ARHGEF33: variants seen among roughly 807,000 people sequenced by gnomAD.
The protein encoded by ARHGEF33 is DH and coiled-coil domain-containing protein ENSP00000381780.
In ARHGEF33, 72 loss-of-function variants were observed where a neutral mutation model predicts 101.9. The observed-to-expected ratio is 0.71, with a 90% CI of 0.58 to 0.86. ARHGEF33 has a LOEUF of 0.86. Among genes scored for constraint, ARHGEF33 ranks in the 40% least tolerant of loss-of-function variants. The pLI is 0.00. For missense variants in ARHGEF33, 1,169 were observed against 1,111.3 expected (o/e 1.05, Z -0.74); for synonymous variants, 499 against 442.5 (o/e 1.13, Z -1.60).
At chr2:38,907,952 G>C (rs1666429083) in intron 2 of ARHGEF33, among the ~76,000 whole-genome samples, 1 of 150,632 alleles carries the variant, frequency 6.6e-6, no homozygotes, top group Non-Finnish European at 1.5e-5. Context: ...TTGACCTCCT[G>C]GGCTCAAGTG....
chr2:38,902,177 G>A (rs1666260695), intron 2 of ARHGEF33, among the ~76,000 whole-genome samples: 1 of 151,880 alleles, frequency 6.6e-6, no homozygotes, highest in Admixed American at 6.6e-5. Context: ...ATGGTTCTTG[G>A]TGTTGCTTTC....
Position 38,972,010 on chromosome 2 carries a change from G to A in ARHGEF33, c.2484-1704G>A, listed in dbSNP as rs1454310090. 25 of 710,736 alleles carry A rather than the reference G, an allele frequency of 3.5e-5. No homozygotes were observed. The Admixed American group carries it at 4.9e-4, about 14-fold the overall frequency. The allele number at this position is 710,736 out of a possible 1,614,324, so 44.0% of individuals were successfully genotyped here. A position where few individuals can be genotyped will look rare whatever the true frequency, so the allele number is the denominator to read the frequency against. On this transcript the variant is annotated intron_variant, in intron 17 of 17. Coordinates refer to ENST00000409978, the MANE Select transcript of ARHGEF33 (RefSeq NM_001145451.5). ...GACATGTTGGGTTTTGGATAGACCA[G>A]ATGTAGCTAAGAGGGGAAATACGAG...
At position 38,960,231 on chromosome 2, in the gene ARHGEF33, C is replaced by A. The variant is rs1218234261; in HGVS notation, c.1926C>A (p.Asn642Lys). 6.5e-7 allele frequency: 1 copy of A among 1,547,868 alleles called. No homozygotes were observed. Among genetic ancestry groups the A allele is most frequent in the Non-Finnish European group, 8.7e-7 (1 of 1,145,896 alleles). ...TCCAGGCTCCGGCCCTCTTCGAGAA[C>A]TGCTCGCCTGCCTCCTCCGAGTCCA... Reference protein sequence around the residue: ...EPFQAPALFENCSPASSESSL... With the variant: ...EPFQAPALFEKCSPASSESSL... Residue 642 changes from asparagine (N) to lysine (K), a missense_variant, in exon 16 of 18, where the codon AAC (asparagine) becomes AAA (lysine). Asn to Lys is a moderately conservative substitution (Grantham distance 94). Transcript: ENST00000409978.
chr2:38,967,085 AG>A (rs1441570006), intron 17 of ARHGEF33, among the ~76,000 whole-genome samples: 1 of 152,236 alleles, frequency 6.6e-6, no homozygotes, highest in Non-Finnish European at 1.5e-5. Flanking sequence ...GCCTTTGGAG[AG>A]TTGCCAATAA....
chr2:38,933,673 C>T (rs1328346920), intron 7 of ARHGEF33, among the ~76,000 whole-genome samples: 1 of 152,222 alleles, frequency 6.6e-6, no homozygotes, highest in South Asian at 2.1e-4. Flanking sequence ...CCACGACCGA[C>T]CCATAGTCTT....
intron 3 of ARHGEF33, among the ~76,000 whole-genome samples, chr2:38,920,738 C>T (rs1490784938): frequency 6.6e-6 from 1 of 152,122 alleles, no homozygotes; most frequent in Non-Finnish European, 1.5e-5. Flanking sequence ...CTACCACTTC[C>T]TCTGCGTGTG....
intron 17 of ARHGEF33, among the ~76,000 whole-genome samples, chr2:38,969,964 A>G (rs1365754496): frequency 6.6e-6 from 1 of 152,226 alleles, no homozygotes; most frequent in Non-Finnish European, 1.5e-5. Flanking sequence ...TACATCTTGC[A>G]ACACTTAATG....
chr2:38,958,135 G>C lies in ARHGEF33; in HGVS notation c.1472G>C (p.Gly491Ala), dbSNP rs1264429067. 6.4e-7 allele frequency: 1 copy of C among 1,551,812 alleles called. No homozygotes were observed. Among genetic ancestry groups the C allele is most frequent in the African/African-American group, 1.4e-5 (1 of 73,032 alleles). ...TAGPEAVRDT[G>A]IHSEELLQPY... ...GGTCCTGAGGCTGTCCGTGACACTGGGATCCACTCAGAAGAGTTGCTGCAA... is the reference window on the plus strand; with the variant it reads ...GGTCCTGAGGCTGTCCGTGACACTGCGATCCACTCAGAAGAGTTGCTGCAA... The change falls in exon 15 of 18, where the codon GGG (glycine) becomes GCG (alanine). Residue 491 changes from glycine to alanine, a missense_variant. Gly to Ala is a moderately conservative substitution (Grantham distance 60). Transcript: ENST00000409978.
intron 2 of ARHGEF33, among the ~76,000 whole-genome samples, chr2:38,901,076 C>A (rs1276978494): frequency 6.6e-6 from 1 of 152,104 alleles, no homozygotes; most frequent in African/African-American, 2.4e-5. Context: ...ATTTAGGATA[C>A]CCCACTCTCA....
chr2:38,950,497 GC>G (rs1558439834), intron 10 of ARHGEF33, among the ~76,000 whole-genome samples: 1 of 152,068 alleles, frequency 6.6e-6, no homozygotes, highest in African/African-American at 2.4e-5. Context: ...TGTTACCCAG[GC>G]TGGGGTGAAG....
intron 4 of ARHGEF33, among the ~76,000 whole-genome samples, chr2:38,926,011 C>T (rs181726668): frequency 6.6e-6 from 1 of 151,820 alleles, no homozygotes. Flanking sequence ...AGTTAAGAAG[C>T]CAAGAAAAGA....
At position 38,960,525 on chromosome 2, in the gene ARHGEF33, C is replaced by A. The variant is rs865821047; in HGVS notation, c.2220C>A (p.Ala740=). Residue 740 remains alanine, a synonymous_variant, in exon 16 of 18, where the codon GCC becomes GCA. Transcript: ENST00000409978. ...GCGGCGGCCGCGCGCCCATCAAGGC[C>A]GAGCGCGCCGCGCAGGCGCACGGCC... is the stretch of plus-strand genomic sequence containing the variant. The part of the protein sequence containing the change: ...SSSGGRAPIK[A]ERAAQAHGPA... The A allele has an allele frequency of 3.2e-6, 4 of 1,265,986 alleles. No homozygotes were observed. Among genetic ancestry groups the A allele is most frequent in the Non-Finnish European group, 4.0e-6 (4 of 1,005,290 alleles). The allele number at this position is 1,265,986 out of a possible 1,614,324, so 78.4% of individuals were successfully genotyped here. A position where few individuals can be genotyped will look rare whatever the true frequency, so the allele number is the denominator to read the frequency against.
chr2:38,910,772 C>A (rs1308077435), intron 2 of ARHGEF33, among the ~76,000 whole-genome samples: 1 of 152,160 alleles, frequency 6.6e-6, no homozygotes, highest in East Asian at 1.9e-4. Context: ...GTCCATTCAA[C>A]CAGTTTACGC....
At chr2:38,912,819 A>G (rs376021805) in intron 2 of ARHGEF33, among the ~76,000 whole-genome samples, 77 of 152,316 alleles carry the variant, frequency 5.1e-4, no homozygotes, top group African/African-American at 1.7e-3. Flanking sequence ...TGGGCATATT[A>G]TTACCTCATT....
chr2:38,906,188 C>CAAAAA (rs70954773), intron 2 of ARHGEF33, among the ~76,000 whole-genome samples: 1 of 66,008 alleles, frequency 1.5e-5, no homozygotes, highest in Non-Finnish European at 3.1e-5. Flanking sequence ...GACTCTGTCT[C>CAAAAA]AAAAAAAAAA....
chr2:38,964,890 T>C (rs1448995096), intron 16 of ARHGEF33, among the ~76,000 whole-genome samples: 1 of 152,138 alleles, frequency 6.6e-6, no homozygotes, highest in Non-Finnish European at 1.5e-5. Flanking sequence ...AGAAGCTACA[T>C]TTTAAATAAA....
rs1417455503 is a variant in ARHGEF33, at chr2:38,960,492, C to G, written c.2187C>G (p.Arg729=). 8.7e-6 allele frequency: 12 copies of G among 1,374,174 alleles called. No homozygotes were observed. In the South Asian group the frequency reaches 9.9e-5, roughly 11 times the overall value. 85.1% of individuals were successfully genotyped at this position (1,374,174 alleles called of 1,614,324 possible). ...TGGCCCCACGCCTCTACAGCACGCG[C>G]AGCAGCAGCGGCGGCCGCGCGCCCA... ...DGVAPRLYST[R]SSSGGRAPIK... is the part of the protein sequence containing the mutation. The change falls in exon 16 of 18, where the codon CGC becomes CGG. Residue 729 remains arginine, a synonymous_variant. Coordinates refer to ENST00000409978, the MANE Select transcript of ARHGEF33 (RefSeq NM_001145451.5).
chr2:38,913,195 TTGA>T (rs1666552295), intron 2 of ARHGEF33, among the ~76,000 whole-genome samples: 1 of 152,070 alleles, frequency 6.6e-6, no homozygotes, highest in African/African-American at 2.4e-5. Context: ...GTCAACAAAT[TTGA>T]TGAACTTAAG....
intron 10 of ARHGEF33, among the ~76,000 whole-genome samples, chr2:38,948,012 T>C (rs1005994777): frequency 2.6e-5 from 4 of 152,138 alleles, no homozygotes; most frequent in Admixed American, 6.5e-5. Flanking sequence ...TTAAGTACTA[T>C]ATTGTTAGGA....
Sources: gnomAD v4.1 joint callset for allele counts (sites outside exome capture counted in the v4.1 genomes callset) on GRCh38, gnomAD v4.1.1 for gene constraint, MANE v1.5 for transcripts, NCBI Gene and HGNC (gene_info 2026-07-23, HGNC 2026-07-21) for gene names.